The following SCFD1 variants were observed in gnomAD, a reference collection of about 807,000 sequenced individuals.
SCFD1 encodes the protein sec1 family domain containing 1, also known as sec1 family domain-containing protein 1.
A neutral mutation model predicts 103.2 loss-of-function variants in SCFD1; 37 were observed. That is an observed-to-expected ratio of 0.36 (90% CI 0.28 to 0.47). The LOEUF is 0.47. Among genes scored for constraint, SCFD1 ranks in the 20% least tolerant of loss-of-function variants. The pLI, the probability that SCFD1 is intolerant of heterozygous loss-of-function variation, is 1.00. For synonymous variants in SCFD1, 264 were observed against 245.0 expected (o/e 1.08, Z -0.73); for missense variants, 639 against 761.2 (o/e 0.84, Z 1.89).
At chr14:30,681,210 G>C (rs1172828690) in intron 14 of SCFD1, among the ~76,000 whole-genome samples, 1 of 138,574 alleles carries the variant, frequency 7.2e-6, no homozygotes, top group Non-Finnish European at 1.5e-5. Context: ...GACAGAGTGA[G>C]ACTCTGTCTC....
intron 17 of SCFD1, among the ~76,000 whole-genome samples, chr14:30,703,938 T>A (rs1480153776): frequency 1.5e-5 from 1 of 68,748 alleles, no homozygotes; most frequent in Admixed American, 1.5e-4. Flanking sequence ...TATATATATA[T>A]ATATATATAT....
intron 10 of SCFD1, among the ~76,000 whole-genome samples, chr14:30,663,857 G>A (rs1887668708): frequency 6.6e-6 from 1 of 152,150 alleles, no homozygotes; most frequent in African/African-American, 2.4e-5. Context: ...ATCTTGAATG[G>A]GAATTTTATT....
rs1309103993 is a variant in SCFD1 at position 30,722,576 on chromosome 14, CT to C, written c.1836+22del. ...TACATAAAGGTACATTTTATTTAGC[CT>C]TTTTATTCTGTTGTTAGATGGTTTC... On this transcript the variant is annotated intron_variant, in intron 23 of 24. Transcript: ENST00000458591. 2 of 1,525,000 alleles carry C rather than the reference CT, an allele frequency of 1.3e-6. No homozygotes were observed. The highest frequency in any genetic ancestry group is 3.6e-5 in the Admixed American group (2 of 56,232). 94.5% of individuals were successfully genotyped at this position (1,525,000 alleles called of 1,614,324 possible).
At chr14:30,634,654 T>C (rs1341323250) in intron 4 of SCFD1, 6 of 365,518 alleles carry the variant, frequency 1.6e-5, no homozygotes, top group Admixed American at 1.5e-4. Flanking sequence ...GTTTTCCTTT[T>C]CTAAAATAAG....
intron 21 of SCFD1, 122 bp from the exon 22 acceptor site, chr14:30,721,762 G>T (rs1421142072): frequency 3.7e-6 from 3 of 805,354 alleles, no homozygotes; most frequent in Non-Finnish European, 6.2e-6. Flanking sequence ...CCTCTAAGAA[G>T]GTGAAGGAGG....
intron 20 of SCFD1, 148 bp downstream of exon 20, chr14:30,716,125 C>G: frequency 8.1e-6 from 5 of 619,098 alleles, no homozygotes; most frequent in Non-Finnish European, 1.4e-5. Context: ...CTCAAGAAGC[C>G]TTTTTTAGCC....
chr14:30,627,249 A>G (rs1362013010), intron 1 of SCFD1, among the ~76,000 whole-genome samples: 5 of 152,204 alleles, frequency 3.3e-5, no homozygotes, highest in Admixed American at 2.0e-4. Flanking sequence ...TTGATGTTGT[A>G]TATTTGCTTA....
chr14:30,678,128 G>A (rs1391855566), intron 14 of SCFD1, among the ~76,000 whole-genome samples: 2 of 152,036 alleles, frequency 1.3e-5, no homozygotes, highest in African/African-American at 2.4e-5. Context: ...GTGAGCCACC[G>A]CGCCTGGCCG....
Position 30,670,255 on chromosome 14 carries a change from G to T in SCFD1, c.856-1G>T, listed in dbSNP as rs750133490. 1 of 1,577,848 alleles carries T rather than the reference G, an allele frequency of 6.3e-7. No individual in the cohort carries two copies. The highest frequency in any genetic ancestry group is 8.6e-7 in the Non-Finnish European group (1 of 1,166,296). On this transcript the variant is annotated splice_acceptor_variant, in intron 10 of 24. Coordinates refer to ENST00000458591, the MANE Select transcript of SCFD1 (RefSeq NM_016106.4). LOFTEE classifies it high-confidence loss of function. ...TTTAACACAAGATTACTTTTTCCTA[G>T]GATTTCCATTTAAACAGGGTTAATT...
rs538367221 is a variant in SCFD1, at chr14:30,707,826, C to T, written c.1554-164C>T. The T allele has an allele frequency of 1.3e-4, 92 of 702,286 alleles. 1 individual carries two copies. The African/African-American group carries it at 1.5e-3, about 12-fold the overall frequency. 43.5% of individuals were successfully genotyped at this position (702,286 alleles called of 1,614,324 possible). On this transcript the variant is annotated intron_variant, in intron 18 of 24. Transcript: ENST00000458591. ...TTAAATAAAATTGCAGCTGTGATAC[C>T]CATGGCAGCAGAAATTCTCAAGACC...
At chr14:30,698,911 G>A (rs1264937391) in intron 15 of SCFD1, among the ~76,000 whole-genome samples, 1 of 152,162 alleles carries the variant, frequency 6.6e-6, no homozygotes, top group East Asian at 1.9e-4. Context: ...GGAAGAGCTA[G>A]AAGACGACCT....
In SCFD1 at chr14:30,656,327, G is replaced by A. The variant is rs186353556; in HGVS notation, c.855+2739G>A. On this transcript the variant is annotated intron_variant, in intron 10 of 24. Coordinates refer to ENST00000458591, the MANE Select transcript of SCFD1 (RefSeq NM_016106.4). ...TACTAATGGGAATGATCCAAACAGC[G>A]AAGTTAATGATGCAGGAGATAAGAG... is the stretch of plus-strand genomic sequence containing the variant. Among the ~76,000 whole-genome samples, 23 of 152,248 alleles carry A rather than the reference G, an allele frequency of 1.5e-4. No homozygotes were observed. The East Asian group carries it at 2.7e-3, about 18-fold the overall frequency.
intron 12 of SCFD1, among the ~76,000 whole-genome samples, chr14:30,673,633 G>C (rs142825862): frequency 2.0e-5 from 3 of 152,070 alleles, no homozygotes; most frequent in South Asian, 2.1e-4. Context: ...CAGCTCTACT[G>C]TTTATTGCTG....
chr14:30,656,353 C>T (rs772006813), intron 10 of SCFD1, among the ~76,000 whole-genome samples: 1 of 152,150 alleles, frequency 6.6e-6, no homozygotes, highest in Non-Finnish European at 1.5e-5. Flanking sequence ...GAGATAAGAG[C>T]GTCCTGCAGG....
chr14:30,681,545 C>T (rs1385288653), intron 14 of SCFD1, among the ~76,000 whole-genome samples: 1 of 142,208 alleles, frequency 7.0e-6, no homozygotes, highest in Admixed American at 7.0e-5. Context: ...GCAGCTCCCT[C>T]AAATAGCACA....
intron 18 of SCFD1, 169 bp from the exon 19 acceptor site, chr14:30,707,821 G>A (rs1045342532): frequency 7.2e-6 from 5 of 697,084 alleles, no homozygotes; most frequent in Non-Finnish European, 1.3e-5. Flanking sequence ...TTGCAGCTGT[G>A]ATACCCATGG....
chr14:30,694,507 A>T (rs924104906), intron 14 of SCFD1, among the ~76,000 whole-genome samples: 21 of 151,986 alleles, frequency 1.4e-4, no homozygotes, highest in Admixed American at 9.2e-4. Flanking sequence ...CCCCATCTCT[A>T]TAAAAAAAAA....
chr14:30,709,507 C>G (rs143500672), intron 19 of SCFD1, among the ~76,000 whole-genome samples: 2,958 of 152,258 alleles, frequency 0.019, 53 homozygotes, highest in Middle Eastern at 0.034. Flanking sequence ...GCTGGGATTA[C>G]AGGTATGAGC....
At chr14:30,729,146 A>C (rs796516717) in intron 23 of SCFD1, among the ~76,000 whole-genome samples, 25 of 152,264 alleles carry the variant, frequency 1.6e-4, no homozygotes, top group African/African-American at 6.0e-4. Context: ...ATTGATACAA[A>C]TCCCGTATCA....
Sources: allele counts gnomAD v4.1 joint callset (sites outside exome capture counted in the v4.1 genomes callset), GRCh38; gene constraint gnomAD v4.1.1; transcripts MANE v1.5; gene names NCBI Gene and HGNC (gene_info 2026-07-23, HGNC 2026-07-21).